Variants in DUSP16 observed in about 807,000 individuals in gnomAD.
DUSP16 encodes the protein dual specificity phosphatase 16.
DUSP16 carries 21 observed loss-of-function variants against 58.3 expected under a neutral mutation model. The observed-to-expected ratio is 0.36, with a 90% CI of 0.26 to 0.52. The LOEUF is 0.52. Among genes scored for constraint, DUSP16 ranks in the 20% least tolerant of loss-of-function variants. The pLI, the probability that DUSP16 is intolerant of heterozygous loss-of-function variation, is 0.94. For synonymous variants in DUSP16, 320 were observed against 323.8 expected (o/e 0.99, Z 0.12); for missense variants, 726 against 819.0 (o/e 0.89, Z 1.39).
chr12:12,502,606 C>G (rs576005750), intron 3 of DUSP16, among the ~76,000 whole-genome samples: 1 of 145,514 alleles, frequency 6.9e-6, no homozygotes, highest in Non-Finnish European at 1.5e-5. Flanking sequence ...GGCTAGAGTG[C>G]GATGGCATGA....
chr12:12,476,651 G>C lies in DUSP16; in HGVS notation c.*182C>G. The C allele has an allele frequency of 3.6e-6, 2 of 552,774 alleles. No homozygotes were observed. The highest frequency in any genetic ancestry group is 6.2e-6 in the Non-Finnish European group (2 of 321,794). The allele number at this position is 552,774 out of a possible 1,614,324, so 34.2% of individuals were successfully genotyped here. A position where few individuals can be genotyped will look rare whatever the true frequency, so the allele number is the denominator to read the frequency against. ...ATTTTTGTTGAGAGAAGTATTAGCT[G>C]ATCTCTCAAATGCAGATGTTAAGAG... On this transcript the variant is annotated 3_prime_UTR_variant, in exon 7 of 7. Transcript: ENST00000298573.
chr12:12,511,641 T>C (rs1471387329), intron 3 of DUSP16, among the ~76,000 whole-genome samples: 3 of 152,228 alleles, frequency 2.0e-5, no homozygotes, highest in Non-Finnish European at 2.9e-5. Flanking sequence ...CCCTTATCAC[T>C]GTATCATACA....
At chr12:12,540,308 CCA>C (rs1251304412) in intron 1 of DUSP16, among the ~76,000 whole-genome samples, 1 of 151,620 alleles carries the variant, frequency 6.6e-6, no homozygotes, top group Non-Finnish European at 1.5e-5. Context: ...CCAGCCTGGG[CCA>C]CAGAGTGAGA....
intron 1 of DUSP16, among the ~76,000 whole-genome samples, chr12:12,537,789 C>G (rs1048904621): frequency 1.3e-5 from 2 of 152,208 alleles, no homozygotes; most frequent in Admixed American, 6.5e-5. Context: ...GAAAGCCCCT[C>G]TAAGTAGAAC....
chr12:12,517,953 T>C (rs1236213975), intron 3 of DUSP16, among the ~76,000 whole-genome samples: 2 of 152,186 alleles, frequency 1.3e-5, no homozygotes, highest in Admixed American at 6.5e-5. Flanking sequence ...TTCTTCCTTA[T>C]TGCCCAGTGA....
At chr12:12,531,522 A>G (rs577697371) in intron 1 of DUSP16, among the ~76,000 whole-genome samples, 2 of 152,260 alleles carry the variant, frequency 1.3e-5, no homozygotes, top group African/African-American at 4.8e-5. Context: ...TTAGTTTTAC[A>G]ATATGGAACG....
intron 3 of DUSP16, among the ~76,000 whole-genome samples, chr12:12,503,441 T>C (rs1025578526): frequency 6.6e-6 from 1 of 152,140 alleles, no homozygotes; most frequent in Non-Finnish European, 1.5e-5. Context: ...GCCAGGCTGG[T>C]CATGAACTCC....
rs527451442 is a variant in DUSP16 at position 12,540,033 on chromosome 12, C to T, written c.-365-18570G>A. ...TCGCACCACTGCACCCTGGCCTGGG[C>T]GACAGACTGAGACTCTGTCTCATAA... is the stretch of plus-strand genomic sequence containing the variant. On this transcript the variant is annotated intron_variant, in intron 1 of 6. Coordinates refer to ENST00000298573, the MANE Select transcript of DUSP16 (RefSeq NM_030640.3). 1.1e-4 allele frequency among the ~76,000 whole-genome samples: 17 copies of T among 151,032 alleles called. No homozygotes were observed. In the East Asian group the frequency reaches 2.3e-3, roughly 21 times the overall value.
At chr12:12,498,575 C>T (rs1382741813) in intron 4 of DUSP16, among the ~76,000 whole-genome samples, 2 of 151,864 alleles carry the variant, frequency 1.3e-5, no homozygotes, top group African/African-American at 4.8e-5. Flanking sequence ...CCACAAAGCC[C>T]GGCTAATTTT....
intron 5 of DUSP16, among the ~76,000 whole-genome samples, chr12:12,486,479 A>AGAGT (rs1174831005): frequency 2.8e-5 from 3 of 107,486 alleles, no homozygotes; most frequent in African/African-American, 1.0e-4. Context: ...TAACCAAATG[A>AGAGT]GAGTGTGTGT....
rs1301742043 is a variant in DUSP16 at position 12,474,628 on chromosome 12, T to C, written c.*2205A>G. 1.3e-5 allele frequency: 2 copies of C among 151,530 alleles called. No individual in the cohort carries two copies. Among genetic ancestry groups the C allele is most frequent in the African/African-American group, 4.9e-5 (2 of 41,128 alleles). 9.4% of individuals were successfully genotyped at this position (151,530 alleles called of 1,614,324 possible). On this transcript the variant is annotated 3_prime_UTR_variant, in exon 7 of 7. Transcript: ENST00000298573. ...TTATCTGACACTAGTGAACCAGCAC[T>C]AAAGGCTGTAGGATGTGACTACATC...
chr12:12,516,361 T>C lies in DUSP16; in HGVS notation c.367+3501A>G, dbSNP rs141300190. ...GAGTGAAACAATGCTATGGCTTAGT[T>C]TGACTTGGTTAGTAGGTTATTTACT... On this transcript the variant is annotated intron_variant, in intron 3 of 6. Transcript: ENST00000298573. Among the ~76,000 whole-genome samples the C allele has an allele frequency of 1.6e-3, 242 of 152,340 alleles. 1 individual carries two copies. The highest frequency in any genetic ancestry group is 2.5e-3 in the Non-Finnish European group (173 of 68,024).
At chr12:12,517,337 T>C (rs1296572904) in intron 3 of DUSP16, among the ~76,000 whole-genome samples, 1 of 152,214 alleles carries the variant, frequency 6.6e-6, no homozygotes, top group Non-Finnish European at 1.5e-5. Context: ...CAGGGGCAGT[T>C]TGTAGTGAAA....
chr12:12,517,103 C>A (rs1944165037), intron 3 of DUSP16, among the ~76,000 whole-genome samples: 1 of 152,226 alleles, frequency 6.6e-6, no homozygotes, highest in African/African-American at 2.4e-5. Flanking sequence ...CACAGTCATT[C>A]TTCCGTGGGT....
chr12:12,547,682 G>A (rs140383710), intron 1 of DUSP16, among the ~76,000 whole-genome samples: 5 of 152,112 alleles, frequency 3.3e-5, no homozygotes, highest in Admixed American at 6.6e-5. Flanking sequence ...ATTCTGAGGT[G>A]ATACCATGCT....
At chr12:12,496,202 C>T (rs192487862) in intron 4 of DUSP16, among the ~76,000 whole-genome samples, 3 of 152,298 alleles carry the variant, frequency 2.0e-5, no homozygotes, top group African/African-American at 4.8e-5. Flanking sequence ...AACTTGAACA[C>T]TGTATGGTGT....
At chr12:12,561,366 G>C (rs566439965) in intron 1 of DUSP16, among the ~76,000 whole-genome samples, 2 of 152,108 alleles carry the variant, frequency 1.3e-5, no homozygotes, top group African/African-American at 4.8e-5. Flanking sequence ...AGATCTACTT[G>C]CCTTTTCTCT....
intron 1 of DUSP16, among the ~76,000 whole-genome samples, chr12:12,551,480 T>A (rs113742743): frequency 0.013 from 1,729 of 128,196 alleles, 35 homozygotes; most frequent in African/African-American, 0.044. Flanking sequence ...AAAAAAAAAA[T>A]GGGCACTATC....
At chr12:12,531,766 G>C (rs1264793046) in intron 1 of DUSP16, among the ~76,000 whole-genome samples, 1 of 152,280 alleles carries the variant, frequency 6.6e-6, no homozygotes, top group Admixed American at 6.5e-5. Flanking sequence ...GGCTACTCGG[G>C]AGGCTGAGGC....
Sources: allele counts gnomAD v4.1 joint callset (sites outside exome capture counted in the v4.1 genomes callset), GRCh38; gene constraint gnomAD v4.1.1; transcripts MANE v1.5; gene names NCBI Gene and HGNC (gene_info 2026-07-23, HGNC 2026-07-21).